The following NTM variants were observed in gnomAD, a reference collection of about 807,000 sequenced individuals.
NTM encodes neurotrimin, also known as IgLON family member 2.
Under a neutral mutation model 42.1 loss-of-function variants are expected in NTM, and 13 were observed. The ratio of observed to expected loss-of-function variants is 0.31; its 90% CI spans 0.20 to 0.49. NTM has a LOEUF of 0.49. Ranked by LOEUF, NTM falls within the 20% of genes least tolerant of loss-of-function variation. The pLI is 0.99. For synonymous variants in NTM, 187 were observed against 179.2 expected (o/e 1.04, Z -0.35); for missense variants, 373 against 452.8 (o/e 0.82, Z 1.60).
intron 1 of NTM, among the ~76,000 whole-genome samples, chr11:131,701,371 GT>G (rs1195428005): frequency 6.6e-6 from 1 of 152,158 alleles, no homozygotes; most frequent in Non-Finnish European, 1.5e-5. Context: ...GACAGTATAT[GT>G]TATTCCTTTT....
chr11:131,478,364 G>A (rs1953183837), intron 1 of NTM, among the ~76,000 whole-genome samples: 1 of 152,174 alleles, frequency 6.6e-6, no homozygotes, highest in Non-Finnish European at 1.5e-5. Context: ...CTTCTAGAGA[G>A]CATTTATGGA....
At chr11:131,783,494 T>C (rs1029784784) in intron 1 of NTM, among the ~76,000 whole-genome samples, 4 of 152,142 alleles carry the variant, frequency 2.6e-5, no homozygotes, top group African/African-American at 9.6e-5. Flanking sequence ...CATACACATA[T>C]GTTCCACTGA....
intron 1 of NTM, among the ~76,000 whole-genome samples, chr11:131,522,353 C>CAGAA (rs1565596304): frequency 1.4e-5 from 2 of 147,724 alleles, no homozygotes; most frequent in Non-Finnish European, 1.5e-5. Context: ...TGCAGAACAA[C>CAGAA]AAGAAAAAAA....
intron 1 of NTM, among the ~76,000 whole-genome samples, chr11:131,443,688 C>T (rs1949799659): frequency 6.6e-6 from 1 of 152,132 alleles, no homozygotes; most frequent in Non-Finnish European, 1.5e-5. Context: ...ACCACAGAAG[C>T]AGCTATGGGA....
At chr11:131,941,903 A>G (rs893458682) in intron 2 of NTM, among the ~76,000 whole-genome samples, 9 of 152,090 alleles carry the variant, frequency 5.9e-5, no homozygotes, top group African/African-American at 1.4e-4. Context: ...CTGCATAATC[A>G]TCCATATTAA....
At chr11:131,378,203 A>G (rs1236614905) in intron 1 of NTM, among the ~76,000 whole-genome samples, 1 of 152,228 alleles carries the variant, frequency 6.6e-6, no homozygotes, top group Admixed American at 6.5e-5. Context: ...CAGGTTGAAA[A>G]GTGTACCTCT....
chr11:132,077,152 C>T (rs552486446), intron 2 of NTM, among the ~76,000 whole-genome samples: 15 of 152,278 alleles, frequency 9.9e-5, no homozygotes, highest in Middle Eastern at 3.4e-3. Context: ...GTGACACATG[C>T]GAAGGCACAG....
chr11:132,061,458 C>G (rs2080659124), intron 2 of NTM, among the ~76,000 whole-genome samples: 1 of 152,188 alleles, frequency 6.6e-6, no homozygotes, highest in Admixed American at 6.5e-5. Flanking sequence ...TATTAATTTT[C>G]ATACCAGCTT....
chr11:131,800,404 C>T (rs1207437421), intron 1 of NTM, among the ~76,000 whole-genome samples: 1 of 152,226 alleles, frequency 6.6e-6, no homozygotes, highest in Non-Finnish European at 1.5e-5. Context: ...CTTCCTGGCC[C>T]CAAGGCTCTC....
At chr11:132,138,038 T>C (rs907027486) in intron 2 of NTM, among the ~76,000 whole-genome samples, 1 of 152,218 alleles carries the variant, frequency 6.6e-6, no homozygotes, top group African/African-American at 2.4e-5. Flanking sequence ...GCTTTGCTCA[T>C]GCTCCTCCTA....
At chr11:131,773,690 C>T (rs1269648614) in intron 1 of NTM, among the ~76,000 whole-genome samples, 2 of 152,226 alleles carry the variant, frequency 1.3e-5, no homozygotes, top group African/African-American at 2.4e-5. Context: ...TGACTGCTTA[C>T]ATTCTGGTAT....
chr11:131,813,120 C>T (rs548364103), intron 1 of NTM, among the ~76,000 whole-genome samples: 63 of 152,256 alleles, frequency 4.1e-4, no homozygotes, highest in South Asian at 8.3e-4. Flanking sequence ...ATCAAAGTTA[C>T]GCCTTCGGGG....
chr11:131,554,344 A>G (rs1420999249), intron 1 of NTM, among the ~76,000 whole-genome samples: 1 of 152,226 alleles, frequency 6.6e-6, no homozygotes, highest in Non-Finnish European at 1.5e-5. Flanking sequence ...GGCTTAAGGC[A>G]TACCCTGAAG....
intron 1 of NTM, among the ~76,000 whole-genome samples, chr11:131,510,615 A>G (rs1409252747): frequency 1.3e-5 from 2 of 152,188 alleles, no homozygotes; most frequent in Non-Finnish European, 1.5e-5. Context: ...TCTATCTATC[A>G]TATCACTTTT....
At chr11:131,491,751 G>A (rs1213115659) in intron 1 of NTM, among the ~76,000 whole-genome samples, 1 of 152,162 alleles carries the variant, frequency 6.6e-6, no homozygotes, top group Non-Finnish European at 1.5e-5. Flanking sequence ...GACAAGATGA[G>A]GAATGAGAAC....
intron 2 of NTM, among the ~76,000 whole-genome samples, chr11:131,942,745 A>T (rs2059931505): frequency 6.6e-6 from 1 of 152,000 alleles, no homozygotes; most frequent in Non-Finnish European, 1.5e-5. Context: ...CAGGAGTTTG[A>T]GACCAGCCTG....
chr11:131,667,225 TG>T (rs2069224521), intron 1 of NTM, among the ~76,000 whole-genome samples: 1 of 152,184 alleles, frequency 6.6e-6, no homozygotes, highest in African/African-American at 2.4e-5. Flanking sequence ...CTGTGGATCC[TG>T]GCCTCTGCTT....
intron 1 of NTM, among the ~76,000 whole-genome samples, chr11:131,542,110 A>C (rs971042052): frequency 1.3e-5 from 2 of 152,196 alleles, no homozygotes; most frequent in Non-Finnish European, 2.9e-5. Flanking sequence ...ACAGCTGACA[A>C]CTAAATGGGA....
intron 2 of NTM, among the ~76,000 whole-genome samples, chr11:132,125,448 GTGTA>G (rs1467055044): frequency 7.4e-6 from 1 of 135,828 alleles, no homozygotes; most frequent in Non-Finnish European, 1.6e-5. Flanking sequence ...AGGTATGAGT[GTGTA>G]TGTGGTGTGT....
Sources: gnomAD v4.1 joint callset for allele counts (sites outside exome capture counted in the v4.1 genomes callset) on GRCh38, gnomAD v4.1.1 for gene constraint, MANE v1.5 for transcripts, NCBI Gene and HGNC (gene_info 2026-07-23, HGNC 2026-07-21) for gene names.